CCSER1: variants seen among roughly 807,000 people sequenced by gnomAD.
CCSER1 encodes serine-rich coiled-coil domain-containing protein 1.
In CCSER1, 41 loss-of-function variants were observed where a neutral mutation model predicts 82.0. The ratio of observed to expected loss-of-function variants is 0.50; its 90% CI spans 0.39 to 0.65. CCSER1 has a LOEUF of 0.65. Among genes scored for constraint, CCSER1 ranks in the 30% least tolerant of loss-of-function variants. CCSER1 has a pLI of 0.00. For missense variants in CCSER1, 1,119 were observed against 1,064.2 expected (o/e 1.05, Z -0.72); for synonymous variants, 414 against 383.9 (o/e 1.08, Z -0.92).
At chr4:90,864,372 T>C (rs999669714) in intron 8 of CCSER1, among the ~76,000 whole-genome samples, 1 of 151,994 alleles carries the variant, frequency 6.6e-6, no homozygotes, top group Non-Finnish European at 1.5e-5. Flanking sequence ...AGGTGGGACC[T>C]CTAAGAGGTG....
intron 1 of CCSER1, among the ~76,000 whole-genome samples, chr4:90,288,110 A>G (rs747537206): frequency 1.9e-4 from 29 of 151,976 alleles, no homozygotes; most frequent in Non-Finnish European, 3.8e-4. Flanking sequence ...GAATGTCGTT[A>G]TCTCTCCTTT....
intron 10 of CCSER1, among the ~76,000 whole-genome samples, chr4:91,091,498 G>T (rs1014287799): frequency 1.5e-4 from 23 of 152,168 alleles, no homozygotes; most frequent in Admixed American, 1.4e-3. Flanking sequence ...CCTCTGTGTG[G>T]GAAGAAGCAG....
At chr4:90,653,263 A>AT (rs1729113442) in intron 6 of CCSER1, among the ~76,000 whole-genome samples, 1 of 152,146 alleles carries the variant, frequency 6.6e-6, no homozygotes, top group Admixed American at 6.6e-5. Context: ...AAATAATCTC[A>AT]TTTTTATAAA....
In CCSER1 at chr4:90,855,281, A is replaced by G. The variant is rs372554681; in HGVS notation, c.2094+39436A>G. Among the ~76,000 whole-genome samples the G allele has an allele frequency of 4.5e-4, 69 of 152,226 alleles. No homozygotes were observed. In the East Asian group the frequency reaches 0.012, roughly 27 times the overall value. ...CCACCACTTTGCTTCTACCACCACC[A>G]CTGCTCACACTACCATTAGTGGAGA... On this transcript the variant is annotated intron_variant, in intron 8 of 10. Coordinates refer to ENST00000509176, the MANE Select transcript of CCSER1 (RefSeq NM_001145065.2).
chr4:91,149,763 A>T (rs180905980), intron 10 of CCSER1, among the ~76,000 whole-genome samples: 1 of 152,252 alleles, frequency 6.6e-6, no homozygotes, highest in Non-Finnish European at 1.5e-5. Flanking sequence ...TGTTTTTGTC[A>T]GATTTGTCAA....
intron 10 of CCSER1, among the ~76,000 whole-genome samples, chr4:91,214,142 A>G (rs1310031059): frequency 6.6e-6 from 1 of 152,150 alleles, no homozygotes; most frequent in East Asian, 1.9e-4. Flanking sequence ...AAGAGCAGGT[A>G]ACAAGGCAAG....
chr4:90,543,322 A>T (rs1247013050), intron 5 of CCSER1, among the ~76,000 whole-genome samples: 4 of 152,140 alleles, frequency 2.6e-5, no homozygotes, highest in Non-Finnish European at 5.9e-5. Flanking sequence ...GCCAGGTGCA[A>T]TTTGAGAATG....
intron 8 of CCSER1, among the ~76,000 whole-genome samples, chr4:90,916,778 A>C (rs1727504404): frequency 6.6e-6 from 1 of 152,192 alleles, no homozygotes; most frequent in Non-Finnish European, 1.5e-5. Context: ...ACAAAGGGCT[A>C]TTATCCAGAA....
chr4:91,511,596 T>C (rs1759828679), intron 10 of CCSER1, among the ~76,000 whole-genome samples: 1 of 152,178 alleles, frequency 6.6e-6, no homozygotes, highest in Non-Finnish European at 1.5e-5. Flanking sequence ...CTCATATTAC[T>C]GCCTGAGCTC....
chr4:91,206,240 A>G (rs1194759915), intron 10 of CCSER1, among the ~76,000 whole-genome samples: 2 of 151,910 alleles, frequency 1.3e-5, no homozygotes, highest in East Asian at 1.9e-4. Context: ...TGCTCCATCA[A>G]GAGAAGAAAA....
At chr4:90,513,703 TGAA>T (rs1771867670) in intron 5 of CCSER1, among the ~76,000 whole-genome samples, 1 of 152,076 alleles carries the variant, frequency 6.6e-6, no homozygotes, top group African/African-American at 2.4e-5. Flanking sequence ...ATTGGGTAGA[TGAA>T]GAGTTCATAA....
chr4:91,117,989 T>C (rs923219467), intron 10 of CCSER1, among the ~76,000 whole-genome samples: 6 of 152,202 alleles, frequency 3.9e-5, no homozygotes, highest in Non-Finnish European at 8.8e-5. Flanking sequence ...CAAAATCTAT[T>C]GTAAATTGTT....
At chr4:91,277,828 T>G (rs1742603317) in intron 10 of CCSER1, among the ~76,000 whole-genome samples, 1 of 152,040 alleles carries the variant, frequency 6.6e-6, no homozygotes, top group Non-Finnish European at 1.5e-5. Flanking sequence ...TGTTACAAAC[T>G]TGCATTTTAA....
At chr4:90,760,491 A>G (rs1240735722) in intron 7 of CCSER1, among the ~76,000 whole-genome samples, 2 of 152,008 alleles carry the variant, frequency 1.3e-5, no homozygotes, top group Non-Finnish European at 2.9e-5. Flanking sequence ...ACAAATAACA[A>G]AAAGTAAATC....
intron 6 of CCSER1, among the ~76,000 whole-genome samples, chr4:90,667,261 A>G (rs1391126129): frequency 6.6e-6 from 1 of 152,180 alleles, no homozygotes. Flanking sequence ...TCAGCTGCAC[A>G]GTGGAAATAA....
chr4:90,869,324 A>C (rs1766133526), intron 8 of CCSER1, among the ~76,000 whole-genome samples: 1 of 152,004 alleles, frequency 6.6e-6, no homozygotes, highest in Non-Finnish European at 1.5e-5. Context: ...TAGCAGTTTC[A>C]TAGTTTGAGG....
At chr4:91,452,439 T>C (rs960536160) in intron 10 of CCSER1, among the ~76,000 whole-genome samples, 5 of 152,024 alleles carry the variant, frequency 3.3e-5, no homozygotes, top group African/African-American at 7.2e-5. Context: ...GGTACACTAC[T>C]TGTCATTTGT....
chr4:90,602,301 T>C (rs1784123705), intron 5 of CCSER1, among the ~76,000 whole-genome samples: 1 of 152,302 alleles, frequency 6.6e-6, no homozygotes, highest in Middle Eastern at 3.4e-3. Context: ...TCCTTGAATG[T>C]ATTTTGGCTA....
At chr4:90,847,658 G>A (rs1318732601) in intron 8 of CCSER1, among the ~76,000 whole-genome samples, 1 of 151,678 alleles carries the variant, frequency 6.6e-6, no homozygotes, top group Non-Finnish European at 1.5e-5. Context: ...CGTCGACTTA[G>A]GTATACTTTA....
Sources: gnomAD v4.1 joint callset for allele counts (sites outside exome capture counted in the v4.1 genomes callset) on GRCh38, gnomAD v4.1.1 for gene constraint, MANE v1.5 for transcripts, NCBI Gene and HGNC (gene_info 2026-07-23, HGNC 2026-07-21) for gene names.